GRK3: variants seen among roughly 807,000 people sequenced by gnomAD.
GRK3 encodes the protein G protein-coupled receptor kinase 3.
Under a neutral mutation model 95.7 loss-of-function variants are expected in GRK3, and 54 were observed. The observed-to-expected ratio is 0.56, with a 90% CI of 0.45 to 0.71. The LOEUF is 0.71. Among genes scored for constraint, GRK3 ranks in the 30% least tolerant of loss-of-function variants. The pLI is 0.00. For missense variants in GRK3, 649 were observed against 851.2 expected (o/e 0.76, Z 2.96); for synonymous variants, 281 against 290.8 (o/e 0.97, Z 0.34).
rs113846280 is a variant in GRK3, at chr22:25,711,815, C to G, written c.1491+652C>G. Reference sequence around the variant, plus strand: ...CCCTGCCCCCGGGCCTTCCCTGTTTCTTCTCAGCTGCCCCCATTTACACCC... The same window carrying G: ...CCCTGCCCCCGGGCCTTCCCTGTTTGTTCTCAGCTGCCCCCATTTACACCC... On this transcript the variant is annotated intron_variant, in intron 17 of 20. Transcript: ENST00000324198. Among the ~76,000 whole-genome samples, 582 of 152,278 alleles carry G rather than the reference C, an allele frequency of 3.8e-3. 5 individuals are homozygous for G. The highest frequency in any genetic ancestry group is 0.014 in the African/African-American group (566 of 41,560).
intron 1 of GRK3, among the ~76,000 whole-genome samples, chr22:25,566,677 C>T (rs1316351435): frequency 1.3e-5 from 2 of 152,114 alleles, no homozygotes; most frequent in Non-Finnish European, 2.9e-5. Flanking sequence ...ATCAATGCTG[C>T]TTAAAATTTC....
intron 12 of GRK3, among the ~76,000 whole-genome samples, chr22:25,694,679 A>C (rs978099340): frequency 4.6e-5 from 7 of 152,158 alleles, no homozygotes; most frequent in Non-Finnish European, 1.0e-4. Context: ...GGCACCACAC[A>C]GGGGTGGACG....
chr22:25,578,393 C>T lies in GRK3; in HGVS notation c.113+13240C>T, dbSNP rs1931984497. Among the ~76,000 whole-genome samples, 3 of 152,144 alleles carry T rather than the reference C, an allele frequency of 2.0e-5. No homozygotes were observed. The South Asian group carries it at 6.2e-4, about 32-fold the overall frequency. ...CTGGCTAAAAGTGAGACACCCTGAA[C>T]ATCAAAAGAATATGACTGATACAAA... On this transcript the variant is annotated intron_variant, in intron 1 of 20. Coordinates refer to ENST00000324198, the MANE Select transcript of GRK3 (RefSeq NM_005160.4).
chr22:25,649,944 A>C (rs1175260700), intron 3 of GRK3, among the ~76,000 whole-genome samples: 1 of 152,150 alleles, frequency 6.6e-6, no homozygotes, highest in African/African-American at 2.4e-5. Context: ...TTTGACTTAG[A>C]ATAATGAAGG....
chr22:25,623,445 C>T (rs1601482271), intron 2 of GRK3, among the ~76,000 whole-genome samples: 1 of 152,282 alleles, frequency 6.6e-6, no homozygotes, highest in Middle Eastern at 3.4e-3. Flanking sequence ...GTAACCTCTG[C>T]ACTTACTTGA....
At chr22:25,636,774 C>T (rs1459689772) in intron 2 of GRK3, among the ~76,000 whole-genome samples, 1 of 152,000 alleles carries the variant, frequency 6.6e-6, no homozygotes, top group East Asian at 1.9e-4. Context: ...TCAGTTTTGC[C>T]TGTTCTAGAA....
Position 25,725,363 on chromosome 22 carries a change from A to G in GRK3, c.*2913A>G. ...TTGATTTCATGATTCAAAAGAATCA[A>G]TAAAGCCTAAAAATAATAGATTACT... On this transcript the variant is annotated 3_prime_UTR_variant, in exon 21 of 21. Transcript: ENST00000324198. 1 of 393,164 alleles carries G rather than the reference A, an allele frequency of 2.5e-6. No individual in the cohort carries two copies. The highest frequency in any genetic ancestry group is 4.5e-6 in the Non-Finnish European group (1 of 223,280). 24.4% of individuals were successfully genotyped at this position (393,164 alleles called of 1,614,324 possible).
intron 2 of GRK3, among the ~76,000 whole-genome samples, chr22:25,607,944 CT>C (rs1052917164): frequency 5.9e-5 from 9 of 152,126 alleles, no homozygotes; most frequent in African/African-American, 2.2e-4. Context: ...AGACTTTGCT[CT>C]AACAGCTTAA....
chr22:25,722,574 G>T lies in GRK3; in HGVS notation c.*124G>T. 2 of 986,800 alleles carry T rather than the reference G, an allele frequency of 2.0e-6. No homozygotes were observed. Among genetic ancestry groups the T allele is most frequent in the Non-Finnish European group, 2.9e-6 (2 of 682,698 alleles). The allele number at this position is 986,800 out of a possible 1,614,324, so 61.1% of individuals were successfully genotyped here. On this transcript the variant is annotated 3_prime_UTR_variant, in exon 21 of 21. Coordinates refer to ENST00000324198, the MANE Select transcript of GRK3 (RefSeq NM_005160.4). ...TCCTCCAGGCTCCCGAGAGGAGTCG[G>T]GACCCTTCGGCTTGGGGTCAGCTCA...
chr22:25,573,285 C>T (rs1931770791), intron 1 of GRK3, among the ~76,000 whole-genome samples: 1 of 152,174 alleles, frequency 6.6e-6, no homozygotes, highest in African/African-American at 2.4e-5. Context: ...GTAAAATTAT[C>T]ATAATTAATT....
chr22:25,648,221 T>C, intron 3 of GRK3: 2 of 764,450 alleles, frequency 2.6e-6, no homozygotes, highest in Non-Finnish European at 4.8e-6. Flanking sequence ...AGGTAAGGGG[T>C]GACAATGTGA....
chr22:25,646,328 A>T (rs899870174), intron 3 of GRK3, among the ~76,000 whole-genome samples: 3 of 152,222 alleles, frequency 2.0e-5, no homozygotes, highest in Admixed American at 2.0e-4. Flanking sequence ...TATTATGAAG[A>T]CTTAACCACT....
At chr22:25,569,735 G>A (rs60666770) in intron 1 of GRK3, among the ~76,000 whole-genome samples, 374 of 152,294 alleles carry the variant, frequency 2.5e-3, no homozygotes, top group African/African-American at 7.7e-3. Context: ...CCCTGGCAAG[G>A]GAAAGAGAAG....
intron 10 of GRK3, among the ~76,000 whole-genome samples, chr22:25,686,115 G>A (rs2085111588): frequency 6.6e-6 from 1 of 151,670 alleles, no homozygotes; most frequent in African/African-American, 2.4e-5. Context: ...CCAGCTACTC[G>A]GGAGGCTGAG....
At chr22:25,716,942 G>T (rs1368591668) in intron 18 of GRK3, among the ~76,000 whole-genome samples, 2 of 152,168 alleles carry the variant, frequency 1.3e-5, no homozygotes, top group Admixed American at 6.5e-5. Context: ...AGGGATCTAG[G>T]TTACGTGCTC....
chr22:25,662,323 T>C (rs2084914554), intron 4 of GRK3, among the ~76,000 whole-genome samples: 2 of 152,248 alleles, frequency 1.3e-5, no homozygotes, highest in African/African-American at 4.8e-5. Flanking sequence ...ACTAGCTGCA[T>C]GTGGCAATTT....
intron 1 of GRK3, among the ~76,000 whole-genome samples, chr22:25,600,430 G>A (rs529564532): frequency 2.0e-5 from 3 of 152,244 alleles, no homozygotes; most frequent in South Asian, 2.1e-4. Context: ...GTGAGCCGCC[G>A]TGCCTGGCCA....
chr22:25,616,179 C>T (rs2084536764), intron 2 of GRK3, among the ~76,000 whole-genome samples: 2 of 152,052 alleles, frequency 1.3e-5, no homozygotes. Flanking sequence ...GAGGCATGGG[C>T]CAGGGAGGTT....
chr22:25,637,403 G>A (rs2084710285), intron 2 of GRK3, among the ~76,000 whole-genome samples: 1 of 152,160 alleles, frequency 6.6e-6, no homozygotes, highest in Non-Finnish European at 1.5e-5. Context: ...GACTAATACA[G>A]GTACAATGCT....
Sources: allele counts gnomAD v4.1 joint callset (sites outside exome capture counted in the v4.1 genomes callset), GRCh38; gene constraint gnomAD v4.1.1; transcripts MANE v1.5; gene names NCBI Gene and HGNC (gene_info 2026-07-23, HGNC 2026-07-21).